Variants in CACHD1 observed in about 807,000 individuals in gnomAD.
CACHD1 encodes cache domain containing 1, also known as VWFA and cache domain-containing protein 1.
CACHD1 carries 71 observed loss-of-function variants against 138.7 expected under a neutral mutation model. That is an observed-to-expected ratio of 0.51 (90% CI 0.42 to 0.62). The LOEUF is 0.62. Among genes scored for constraint, CACHD1 ranks in the 20% least tolerant of loss-of-function variants. The pLI is 0.00. For synonymous variants in CACHD1, 578 were observed against 591.5 expected (o/e 0.98, Z 0.33); for missense variants, 1,389 against 1,625.3 (o/e 0.85, Z 2.50).
chr1:64,598,560 A>G (rs1417118055), intron 3 of CACHD1, among the ~76,000 whole-genome samples: 1 of 152,212 alleles, frequency 6.6e-6, no homozygotes, highest in African/African-American at 2.4e-5. Flanking sequence ...AGAGAAATAT[A>G]AATCCTCCAG....
rs564312096 is a variant in CACHD1, at chr1:64,667,776, T to G, written c.2387+1609T>G. 3.3e-5 allele frequency among the ~76,000 whole-genome samples: 5 copies of G among 152,326 alleles called. No homozygotes were observed. In the East Asian group the frequency reaches 9.7e-4, roughly 29 times the overall value. ...CAGGGAATCAAAACCCAGGTGTGCC[T>G]TAGTCATTAGGTGACCCAACTGACT... On this transcript the variant is annotated intron_variant, in intron 16 of 26. Coordinates refer to ENST00000651257, the MANE Select transcript of CACHD1 (RefSeq NM_020925.4).
At chr1:64,519,226 C>T (rs1052420332) in intron 1 of CACHD1, among the ~76,000 whole-genome samples, 2 of 152,172 alleles carry the variant, frequency 1.3e-5, no homozygotes, top group Non-Finnish European at 2.9e-5. Flanking sequence ...TTGGGCCTGA[C>T]TGATAAACTT....
intron 2 of CACHD1, among the ~76,000 whole-genome samples, chr1:64,558,871 C>G (rs1431444745): frequency 1.3e-5 from 2 of 152,118 alleles, no homozygotes; most frequent in African/African-American, 4.8e-5. Flanking sequence ...AGACATACAT[C>G]TTCCCAACAA....
chr1:64,651,962 T>G lies in CACHD1; in HGVS notation c.1391-199T>G, dbSNP rs80077119. Among the ~76,000 whole-genome samples the G allele has an allele frequency of 2.5e-3, 381 of 152,338 alleles. 4 individuals carry two copies. Among genetic ancestry groups the G allele is most frequent in the Admixed American group, 0.018 (277 of 15,310 alleles). On this transcript the variant is annotated intron_variant, in intron 9 of 26. Transcript: ENST00000651257. ...CGCTATCTGAGCTGCCAAAGGACGC[T>G]CTTTCCCTCCCACTCTAACTCATTT...
chr1:64,682,704 G>A (rs764277817), intron 26 of CACHD1, among the ~76,000 whole-genome samples: 9 of 152,068 alleles, frequency 5.9e-5, no homozygotes, highest in Admixed American at 3.9e-4. Flanking sequence ...AAGAGGCGCC[G>A]AGTGCTAGGT....
chr1:64,566,416 G>T (rs1449026069), intron 2 of CACHD1, among the ~76,000 whole-genome samples: 1 of 149,010 alleles, frequency 6.7e-6, no homozygotes, highest in Non-Finnish European at 1.5e-5. Flanking sequence ...CAAGTAGGGG[G>T]TTAGAGAACT....
chr1:64,534,028 C>G (rs1276658897), intron 1 of CACHD1, among the ~76,000 whole-genome samples: 2 of 149,828 alleles, frequency 1.3e-5, no homozygotes, highest in African/African-American at 4.9e-5. Context: ...GCTGAGATTA[C>G]AGTCGTGAGC....
At chr1:64,494,661 T>C (rs773834767) in intron 1 of CACHD1, among the ~76,000 whole-genome samples, 8 of 152,188 alleles carry the variant, frequency 5.3e-5, no homozygotes, top group Non-Finnish European at 8.8e-5. Flanking sequence ...ATTGCTTAAA[T>C]TGACAGGATA....
Position 64,676,898 on chromosome 1 carries a change from C to T in CACHD1, c.2979C>T (p.Asn993=), listed in dbSNP as rs1282886102. 6.2e-7 allele frequency: 1 copy of T among 1,613,360 alleles called. No individual in the cohort carries two copies. The highest frequency in any genetic ancestry group is 1.1e-5 in the South Asian group (1 of 90,976). Residue 993 remains asparagine (N), a synonymous_variant, in exon 22 of 27, where the codon AAC becomes AAT. Transcript: ENST00000651257. ...TCCAGACTTACCTCCTGCACAGAAA[C>T]CCCAGCTGCGAGGTCCACCAGGAGC... ...TGNLTNAENR[N]PSCEVHQEPV... is the part of the protein sequence containing the mutation.
chr1:64,613,782 C>G (rs1315723960), intron 4 of CACHD1, among the ~76,000 whole-genome samples: 1 of 152,166 alleles, frequency 6.6e-6, no homozygotes, highest in Non-Finnish European at 1.5e-5. Flanking sequence ...CTCTTACCAT[C>G]CTCCTCACCT....
At chr1:64,552,710 C>T (rs570609628) in intron 2 of CACHD1, among the ~76,000 whole-genome samples, 25 of 152,212 alleles carry the variant, frequency 1.6e-4, no homozygotes, top group Middle Eastern at 3.4e-3. Context: ...AACTCCTCAG[C>T]GCAAACAATC....
chr1:64,517,661 A>G (rs1038719655), intron 1 of CACHD1, among the ~76,000 whole-genome samples: 1 of 152,128 alleles, frequency 6.6e-6, no homozygotes, highest in Non-Finnish European at 1.5e-5. Context: ...AGGCCATTGT[A>G]AGGGTAAGGG....
At chr1:64,580,438 A>G (rs144613800) in intron 2 of CACHD1, among the ~76,000 whole-genome samples, 1 of 152,248 alleles carries the variant, frequency 6.6e-6, no homozygotes, top group East Asian at 1.9e-4. Flanking sequence ...GTACCCCCGA[A>G]CCTAAAATAA....
intron 3 of CACHD1, among the ~76,000 whole-genome samples, chr1:64,585,364 C>A (rs1018502141): frequency 6.6e-6 from 1 of 152,148 alleles, no homozygotes; most frequent in African/African-American, 2.4e-5. Flanking sequence ...AGTGGTCAAC[C>A]TTTTTGTTAA....
intron 2 of CACHD1, among the ~76,000 whole-genome samples, chr1:64,575,139 C>T (rs962358011): frequency 4.6e-5 from 7 of 152,180 alleles, no homozygotes; most frequent in Non-Finnish European, 7.4e-5. Context: ...TTTGTCCTAG[C>T]CTTTGTATAT....
At chr1:64,666,201 A>G in intron 16 of CACHD1, 34 bp downstream of exon 16, 1 of 1,348,458 alleles carries the variant, frequency 7.4e-7, no homozygotes, top group Non-Finnish European at 1.0e-6. Context: ...GTCATTTCTT[A>G]AATATATCAA....
In CACHD1 at chr1:64,479,069, G is replaced by C. The variant is rs950311; in HGVS notation, c.198+8127G>C. ...AAAGGCCACCAATTTGCAGTGTCTGGGTTAGAATTATTCAGCGGGTTACAA... is the reference window on the plus strand; with the variant it reads ...AAAGGCCACCAATTTGCAGTGTCTGCGTTAGAATTATTCAGCGGGTTACAA... On this transcript the variant is annotated intron_variant, in intron 1 of 26. Coordinates refer to ENST00000651257, the MANE Select transcript of CACHD1 (RefSeq NM_020925.4). Among the ~76,000 whole-genome samples, 64 of 152,266 alleles carry C rather than the reference G, an allele frequency of 4.2e-4. 1 individual carries two copies. In the East Asian group the frequency reaches 0.012, roughly 29 times the overall value.
At chr1:64,654,395 C>G (rs548324212) in intron 11 of CACHD1, among the ~76,000 whole-genome samples, 1 of 152,228 alleles carries the variant, frequency 6.6e-6, no homozygotes, top group African/African-American at 2.4e-5. Context: ...AGGAATGGGT[C>G]TTTGTGCTCA....
chr1:64,470,982 CCTT>C lies in CACHD1; in HGVS notation c.198+41_198+43del, dbSNP rs1459498192. ...AGCTGGCCAGACATCCCGCCTTTCTCCTTTGCTCAAACTCCCATCCCACTCCCG... is the reference window on the plus strand; with the variant it reads ...AGCTGGCCAGACATCCCGCCTTTCTCTGCTCAAACTCCCATCCCACTCCCG... On this transcript the variant is annotated intron_variant, in intron 1 of 26. Coordinates refer to ENST00000651257, the MANE Select transcript of CACHD1 (RefSeq NM_020925.4). The surrounding 1 kb of genome is among the most constrained non-coding windows in gnomAD (Gnocchi z 5.2). The C allele has an allele frequency of 6.5e-7, 1 of 1,542,344 alleles. No individual in the cohort carries two copies. Among genetic ancestry groups the C allele is most frequent in the Non-Finnish European group, 8.8e-7 (1 of 1,141,174 alleles).
Sources: allele counts gnomAD v4.1 joint callset (sites outside exome capture counted in the v4.1 genomes callset), GRCh38; gene constraint gnomAD v4.1.1; non-coding constraint Gnocchi (gnomAD v3.1); transcripts MANE v1.5; gene names NCBI Gene and HGNC (gene_info 2026-07-23, HGNC 2026-07-21).